CDK13: variants seen among roughly 807,000 people sequenced by gnomAD.
The protein encoded by CDK13 is cyclin-dependent kinase 13.
In CDK13, 40 loss-of-function variants were observed where a neutral mutation model predicts 137.6. That is an observed-to-expected ratio of 0.29 (90% confidence interval 0.23 to 0.38). The LOEUF (loss-of-function observed/expected upper bound fraction) is 0.38, where lower values mean the gene tolerates loss of function less well. Ranked by LOEUF, CDK13 falls within the 10% of genes least tolerant of loss-of-function variation. The pLI, the probability that CDK13 is intolerant of heterozygous loss-of-function variation, is 1.00. For missense variants in CDK13, 1,704 were observed against 1,951.8 expected (o/e 0.87, Z 2.39); for synonymous variants, 869 against 760.1 (o/e 1.14, Z -2.36).
rs761081928 is a variant in CDK13 at position 40,045,915 on chromosome 7, A to G, written c.2433A>G (p.Glu811=). The G allele has an allele frequency of 1.2e-6, 2 of 1,613,206 alleles. No homozygotes were observed. The highest frequency in any genetic ancestry group is 1.7e-6 in the Non-Finnish European group (2 of 1,179,272). ...AATCAGGCTTGGTTCATTTTAATGA[A>G]AATCACATAAAGTCATTTATGAGAC... ...LLESGLVHFN[E]NHIKSFMRQL... Residue 811 remains glutamate (E), a synonymous_variant, in exon 6 of 14, where the codon GAA becomes GAG. Transcript: ENST00000181839.
intron 5 of CDK13, among the ~76,000 whole-genome samples, chr7:40,023,125 C>G (rs1380939698): frequency 6.8e-6 from 1 of 147,204 alleles, no homozygotes; most frequent in Non-Finnish European, 1.5e-5. Flanking sequence ...CAGAGTCTTA[C>G]TCTGTTGACC....
chr7:39,958,816 A>G (rs1192061978), intron 1 of CDK13, among the ~76,000 whole-genome samples: 1 of 152,160 alleles, frequency 6.6e-6, no homozygotes, highest in Admixed American at 6.5e-5. Flanking sequence ...TGGTATATAC[A>G]TTTGTAACAT....
intron 9 of CDK13, among the ~76,000 whole-genome samples, chr7:40,074,986 A>G (rs913049374): frequency 1.2e-4 from 18 of 152,204 alleles, no homozygotes; most frequent in African/African-American, 4.3e-4. Flanking sequence ...TTCTAAATCT[A>G]TAAATTTAGA....
chr7:40,066,414 A>G (rs1407072420), intron 9 of CDK13, among the ~76,000 whole-genome samples: 2 of 152,214 alleles, frequency 1.3e-5, no homozygotes, highest in Non-Finnish European at 2.9e-5. Context: ...TAACATGGCA[A>G]GCTGAATGCT....
chr7:40,057,390 C>G (rs1410561485), intron 7 of CDK13, among the ~76,000 whole-genome samples: 1 of 152,190 alleles, frequency 6.6e-6, no homozygotes, highest in African/African-American at 2.4e-5. Context: ...CTGTCATCTT[C>G]TACACATGCC....
Position 39,950,851 on chromosome 7 carries a change from A to C in CDK13, c.210A>C (p.Ala70=), listed in dbSNP as rs1047945853. 43 of 1,370,570 alleles carry C rather than the reference A, an allele frequency of 3.1e-5. No homozygotes were observed. Among genetic ancestry groups the C allele is most frequent in the African/African-American group, 6.1e-5 (4 of 65,226 alleles). 84.9% of individuals were successfully genotyped at this position (1,370,570 alleles called of 1,614,324 possible). A position where few individuals can be genotyped will look rare whatever the true frequency, so the allele number is the denominator to read the frequency against. The change falls in exon 1 of 14, where the codon GCA becomes GCC. Residue 70 remains alanine (A), a synonymous_variant. Transcript: ENST00000181839. The part of the protein sequence containing the change: ...FLAAPGTAAA[A]AAAAAASSSC... ...CTGCTCCCGGCACGGCCGCCGCCGC[A>C]GCCGCCGCCGCCGCGGCCTCCTCCT...
intron 7 of CDK13, chr7:40,049,179 C>CAAAAAA (rs917975927): frequency 1.9e-5 from 1 of 51,324 alleles, no homozygotes; most frequent in South Asian, 1.1e-3. Flanking sequence ...AGACTGTCTC[C>CAAAAAA]AAAAAAAAAA....
At chr7:39,960,312 G>T (rs1247030364) in intron 1 of CDK13, among the ~76,000 whole-genome samples, 5 of 150,962 alleles carry the variant, frequency 3.3e-5, no homozygotes, top group Admixed American at 3.3e-4. Flanking sequence ...GTGGCACGCA[G>T]TGTCATGATC....
At chr7:40,083,010 C>T (rs1185750027) in intron 11 of CDK13, among the ~76,000 whole-genome samples, 9 of 149,052 alleles carry the variant, frequency 6.0e-5, no homozygotes, top group East Asian at 4.0e-4. Flanking sequence ...GGGTGAGGCA[C>T]GAGAATTGCT....
chr7:40,040,803 T>C (rs184339950), intron 5 of CDK13, among the ~76,000 whole-genome samples: 9 of 152,340 alleles, frequency 5.9e-5, no homozygotes, highest in Non-Finnish European at 1.3e-4. Flanking sequence ...TGTAATATTC[T>C]ACTTTTTTAA....
chr7:40,093,031 C>T lies in CDK13; in HGVS notation c.3482C>T (p.Pro1161Leu). 1 of 1,614,170 alleles carries T rather than the reference C, an allele frequency of 6.2e-7. No homozygotes were observed. The highest frequency in any genetic ancestry group is 8.5e-7 in the Non-Finnish European group (1 of 1,180,030). Residue 1161 changes from proline to leucine, a missense_variant, in exon 13 of 14, where the codon CCT becomes CTT. Physicochemically the swap from Pro to Leu is moderately conservative, Grantham distance 98. Around this residue, in one of 5 missense-constraint regions of CDK13, gnomAD observed 475 missense variants for 579.3 expected, o/e 0.82. Transcript: ENST00000181839. ...ESSKPLGGIQ[P>L]SSQTIQPKVE... ...TCGAAACCGTTGGGAGGAATTCAGC[C>T]TTCTTCTCAGACCATCCAGCCTAAA...
chr7:39,961,209 CAT>C (rs2116133318), intron 1 of CDK13, among the ~76,000 whole-genome samples: 1 of 152,070 alleles, frequency 6.6e-6, no homozygotes, highest in African/African-American at 2.4e-5. Context: ...AAATACAAAA[CAT>C]AGCCAAGCAT....
chr7:40,072,459 C>T (rs1470332515), intron 9 of CDK13: 1 of 152,196 alleles, frequency 6.6e-6, no homozygotes, highest in Non-Finnish European at 1.5e-5. Flanking sequence ...ACTGGCTTTT[C>T]TCCCCACCCT....
At chr7:39,993,079 C>T (rs918543351) in intron 2 of CDK13, among the ~76,000 whole-genome samples, 2 of 152,118 alleles carry the variant, frequency 1.3e-5, no homozygotes, top group Non-Finnish European at 2.9e-5. Flanking sequence ...TATCCTTTTT[C>T]CCAACAACCT....
At chr7:40,002,118 T>G (rs1225805880) in intron 5 of CDK13, 87 bp downstream of exon 5, 10 of 828,750 alleles carry the variant, frequency 1.2e-5, no homozygotes, top group African/African-American at 1.7e-5. Context: ...TGTGACTATT[T>G]GAGTAATTAC....
intron 5 of CDK13, among the ~76,000 whole-genome samples, chr7:40,044,750 C>T (rs1785697624): frequency 6.6e-6 from 1 of 152,132 alleles, no homozygotes; most frequent in Non-Finnish European, 1.5e-5. Flanking sequence ...CATTCTCCTG[C>T]CTCAGCCTCC....
At position 40,062,910 on chromosome 7, in the gene CDK13, T is replaced by A. The variant is rs375266076; in HGVS notation, c.2685T>A (p.Ile895=). ...GAGAAGAACGATACACACCAGCCATTGATGTATGGAGCTGTGGGTAAGATA... is the reference window on the plus strand; with the variant it reads ...GAGAAGAACGATACACACCAGCCATAGATGTATGGAGCTGTGGGTAAGATA... The part of the protein sequence containing the change: ...LLGEERYTPA[I]DVWSCGCILG... Residue 895 remains isoleucine (I), a synonymous_variant, in exon 8 of 14, where the codon ATT becomes ATA. Transcript: ENST00000181839. The A allele has an allele frequency of 8.1e-6, 13 of 1,613,162 alleles. No homozygotes were observed. Among genetic ancestry groups the A allele is most frequent in the Non-Finnish European group, 1.0e-5 (12 of 1,179,252 alleles).
chr7:40,013,782 T>C (rs1352350053), intron 5 of CDK13, among the ~76,000 whole-genome samples: 1 of 152,148 alleles, frequency 6.6e-6, no homozygotes, highest in Non-Finnish European at 1.5e-5. Context: ...TCAATAAAGC[T>C]GTTATTTAAG....
chr7:40,045,353 T>C (rs541198799), intron 5 of CDK13, among the ~76,000 whole-genome samples: 2 of 152,194 alleles, frequency 1.3e-5, no homozygotes, highest in Non-Finnish European at 2.9e-5. Context: ...TTAGGTACTC[T>C]GGAGCTGTAT....
Sources: gnomAD v4.1 joint callset for allele counts (sites outside exome capture counted in the v4.1 genomes callset) on GRCh38, gnomAD v4.1.1 for gene constraint, gnomAD v4.1.1 regional missense constraint, MANE v1.5 for transcripts, NCBI Gene and HGNC (gene_info 2026-07-23, HGNC 2026-07-21) for gene names.